The following CTDSPL2 variants were observed in gnomAD, a reference collection of about 807,000 sequenced individuals.
The protein encoded by CTDSPL2 is CTD small phosphatase like 2, also known as CTD small phosphatase-like protein 2.
A neutral mutation model predicts 60.0 loss-of-function variants in CTDSPL2; 5 were observed. The ratio of observed to expected loss-of-function variants is 0.08; its 90% CI spans 0.04 to 0.18. CTDSPL2 has a LOEUF of 0.18. Ranked by LOEUF, CTDSPL2 falls within the 10% of genes least tolerant of loss-of-function variation. The pLI is 1.00. For missense variants in CTDSPL2, 370 were observed against 548.8 expected (o/e 0.67, Z 3.26); for synonymous variants, 186 against 189.3 (o/e 0.98, Z 0.14).
intron 10 of CTDSPL2, among the ~76,000 whole-genome samples, chr15:44,518,048 A>T (rs1415591694): frequency 6.6e-6 from 1 of 152,114 alleles, no homozygotes; most frequent in Non-Finnish European, 1.5e-5. Context: ...GGCACTGATA[A>T]TTTTAAGGTT....
Position 44,514,677 on chromosome 15 carries a change from T to G in CTDSPL2, c.1032+17T>G, listed in dbSNP as rs768623469. ...ATGTATGAGGTAAACATGCTTAAGC[T>G]AATTACATATGTATTTTTATTTTAT... On this transcript the variant is annotated intron_variant, in intron 9 of 12. Coordinates refer to ENST00000260327, the MANE Select transcript of CTDSPL2 (RefSeq NM_016396.3). 3.8e-6 allele frequency: 6 copies of G among 1,578,624 alleles called. No homozygotes were observed. Among genetic ancestry groups the G allele is most frequent in the Non-Finnish European group, 3.5e-6 (4 of 1,148,406 alleles).
At chr15:44,479,774 C>G (rs776589596) in intron 2 of CTDSPL2, among the ~76,000 whole-genome samples, 1 of 152,054 alleles carries the variant, frequency 6.6e-6, no homozygotes, top group Non-Finnish European at 1.5e-5. Context: ...GCATCTTTTT[C>G]TGACACGTGT....
chr15:44,523,438 ACATACAT>A (rs1373551812), intron 12 of CTDSPL2, among the ~76,000 whole-genome samples: 1 of 148,790 alleles, frequency 6.7e-6, no homozygotes, highest in Non-Finnish European at 1.5e-5. Flanking sequence ...ATACATACAT[ACATACAT>A]AAGCAAGCAA....
At chr15:44,485,744 A>G (rs7182974) in intron 3 of CTDSPL2, among the ~76,000 whole-genome samples, 17,095 of 152,088 alleles carry the variant, frequency 0.11, 1,054 homozygotes, top group Non-Finnish European at 0.15. Context: ...CACAGCAGCA[A>G]TTTCTCCCCT....
At chr15:44,430,705 A>C (rs1437807392) in intron 1 of CTDSPL2, among the ~76,000 whole-genome samples, 2 of 152,240 alleles carry the variant, frequency 1.3e-5, no homozygotes, top group East Asian at 3.8e-4. Context: ...AGTCACAAAT[A>C]TCAAGTGTGC....
At chr15:44,484,460 T>G (rs2081084053) in intron 3 of CTDSPL2, 98 bp downstream of exon 3, 3 of 1,166,584 alleles carry the variant, frequency 2.6e-6, no homozygotes, top group Non-Finnish European at 3.7e-6. Context: ...TGAGGCCGGG[T>G]GCAGTGGCTC....
Position 44,473,514 on chromosome 15 carries a change from C to A in CTDSPL2, c.187-10710C>A, listed in dbSNP as rs550160618. Among the ~76,000 whole-genome samples, 681 of 152,158 alleles carry A rather than the reference C, an allele frequency of 4.5e-3. 4 individuals are homozygous for A. Among genetic ancestry groups the A allele is most frequent in the African/African-American group, 0.016 (648 of 41,526 alleles). ...GTTTCACCGTGTTAGTCAGAATGGT[C>A]TCGATCTCCTGACCTTGTGATCCAC... On this transcript the variant is annotated intron_variant, in intron 2 of 12. Coordinates refer to ENST00000260327, the MANE Select transcript of CTDSPL2 (RefSeq NM_016396.3).
rs564883348 is a variant in CTDSPL2, at chr15:44,457,706, G to A, written c.-24-1285G>A. Among the ~76,000 whole-genome samples, 15 of 152,258 alleles carry A rather than the reference G, an allele frequency of 9.9e-5. 1 individual carries two copies. The highest frequency in any genetic ancestry group is 2.2e-4 in the Non-Finnish European group (15 of 68,024). On this transcript the variant is annotated intron_variant, in intron 1 of 12. Coordinates refer to ENST00000260327, the MANE Select transcript of CTDSPL2 (RefSeq NM_016396.3). ...TCCTCAATGCAACCTCCGCCTCCCG[G>A]GTTCAAGCAGTTCTCCTGCCTCAGC...
chr15:44,523,133 A>G (rs532186745), intron 12 of CTDSPL2, among the ~76,000 whole-genome samples: 1 of 152,076 alleles, frequency 6.6e-6, no homozygotes, highest in Non-Finnish European at 1.5e-5. Context: ...AGTAGCTGGG[A>G]TTACAGGCGC....
At chr15:44,431,800 C>T (rs1207124328) in intron 1 of CTDSPL2, among the ~76,000 whole-genome samples, 1 of 150,016 alleles carries the variant, frequency 6.7e-6, no homozygotes, top group Non-Finnish European at 1.5e-5. Flanking sequence ...CTTACTGGAA[C>T]CTCTGCCTCC....
intron 8 of CTDSPL2, among the ~76,000 whole-genome samples, chr15:44,501,675 G>A (rs2081384058): frequency 6.6e-6 from 1 of 152,032 alleles, no homozygotes; most frequent in Non-Finnish European, 1.5e-5. Context: ...AAATGATCTA[G>A]CCTAAATGAG....
In CTDSPL2 at chr15:44,486,605, A is replaced by G. The variant is rs764482839; in HGVS notation, c.380A>G (p.Glu127Gly). The change falls in exon 4 of 13, where the codon GAA (glutamate) becomes GGA (glycine). Residue 127 changes from glutamate (E) to glycine (G), a missense_variant. Glu to Gly is a moderately conservative substitution (Grantham distance 98, BLOSUM62 -2). This residue lies in a region of CTDSPL2 where 287 missense variants were observed against 296.1 expected (regional missense o/e 0.97). Transcript: ENST00000260327. ...NQHVKQNGKL[E>G]DNPSSGSPPR... is the part of the protein sequence containing the mutation. ...CATGTAAAACAAAATGGAAAATTAGAAGATAATCCTTCCTCTGGCAGTCCT... is the reference window on the plus strand; with the variant it reads ...CATGTAAAACAAAATGGAAAATTAGGAGATAATCCTTCCTCTGGCAGTCCT... The G allele has an allele frequency of 6.3e-7, 1 of 1,592,668 alleles. No homozygotes were observed. The highest frequency in any genetic ancestry group is 8.5e-7 in the Non-Finnish European group (1 of 1,170,210).
intron 1 of CTDSPL2, among the ~76,000 whole-genome samples, chr15:44,431,862 C>T (rs756810504): frequency 2.6e-5 from 4 of 151,366 alleles, no homozygotes; most frequent in South Asian, 2.1e-4. Context: ...GGATTACAGG[C>T]GCCCACCACG....
intron 2 of CTDSPL2, among the ~76,000 whole-genome samples, chr15:44,467,894 A>G (rs1157839490): frequency 1.3e-5 from 2 of 152,252 alleles, no homozygotes; most frequent in Admixed American, 6.5e-5. Context: ...CTTTTAATGT[A>G]GAGTAGTACA....
Position 44,434,276 on chromosome 15 carries a change from T to A in CTDSPL2, c.-25+6504T>A, listed in dbSNP as rs1389605637. Among the ~76,000 whole-genome samples, 3 of 152,152 alleles carry A rather than the reference T, an allele frequency of 2.0e-5. No individual in the cohort carries two copies. The East Asian group carries it at 5.8e-4, about 29-fold the overall frequency. ...TTAGCTGGGCATGGTGGCGCATGCCTGTAGTCCCAGCTACTCAGGAGGCTG... is the reference window on the plus strand; with the variant it reads ...TTAGCTGGGCATGGTGGCGCATGCCAGTAGTCCCAGCTACTCAGGAGGCTG... On this transcript the variant is annotated intron_variant, in intron 1 of 12. Transcript: ENST00000260327.
At chr15:44,515,376 C>G (rs554229099) in intron 10 of CTDSPL2, among the ~76,000 whole-genome samples, 1 of 152,138 alleles carries the variant, frequency 6.6e-6, no homozygotes, top group Non-Finnish European at 1.5e-5. Flanking sequence ...TTGTGTGTGC[C>G]CTGAGCCAGC....
Position 44,525,693 on chromosome 15 carries a change from T to C in CTDSPL2, c.*1519T>C. 2 of 388,846 alleles carry C rather than the reference T, an allele frequency of 5.1e-6. No individual in the cohort carries two copies. The highest frequency in any genetic ancestry group is 9.1e-6 in the Non-Finnish European group (2 of 219,970). 24.1% of individuals were successfully genotyped at this position (388,846 alleles called of 1,614,324 possible). ...TGTACAACTTACTGTACAAATTACATGCAGCTTCATTTTCAAATGAATCCT... is the reference window on the plus strand; with the variant it reads ...TGTACAACTTACTGTACAAATTACACGCAGCTTCATTTTCAAATGAATCCT... On this transcript the variant is annotated 3_prime_UTR_variant, in exon 13 of 13. Coordinates refer to ENST00000260327, the MANE Select transcript of CTDSPL2 (RefSeq NM_016396.3).
chr15:44,470,475 T>C (rs1169678621), intron 2 of CTDSPL2: 1 of 151,712 alleles, frequency 6.6e-6, no homozygotes, highest in East Asian at 1.9e-4. Context: ...AAAGACAGAG[T>C]CTCGCTCTGT....
intron 10 of CTDSPL2, 66 bp downstream of exon 10, chr15:44,514,910 T>C (rs557105392): frequency 2.1e-6 from 2 of 971,644 alleles, no homozygotes; most frequent in East Asian, 4.8e-5. Flanking sequence ...TGATTCTATT[T>C]CATTTTAATG....
Sources: allele counts gnomAD v4.1 joint callset (sites outside exome capture counted in the v4.1 genomes callset), GRCh38; gene constraint gnomAD v4.1.1; regional missense constraint gnomAD v4.1.1; transcripts MANE v1.5; gene names NCBI Gene and HGNC (gene_info 2026-07-23, HGNC 2026-07-21).